The following EPS15L1 variants were observed in gnomAD, a reference collection of about 807,000 sequenced individuals.
EPS15L1 encodes epidermal growth factor receptor pathway substrate 15 like 1, also known as epidermal growth factor receptor substrate 15-like 1.
A neutral mutation model predicts 117.1 loss-of-function variants in EPS15L1; 43 were observed. The ratio of observed to expected loss-of-function variants is 0.37; its 90% CI spans 0.29 to 0.47. EPS15L1 has a LOEUF of 0.47. Among genes scored for constraint, EPS15L1 ranks in the 20% least tolerant of loss-of-function variants. The pLI is 0.99. For missense variants in EPS15L1, 981 were observed against 1,164.0 expected (o/e 0.84, Z 2.29); for synonymous variants, 459 against 470.5 (o/e 0.98, Z 0.32).
At chr19:16,382,426 A>T (rs2144727555) in intron 21 of EPS15L1, among the ~76,000 whole-genome samples, 1 of 152,264 alleles carries the variant, frequency 6.6e-6, no homozygotes, top group Non-Finnish European at 1.5e-5. Flanking sequence ...AGTGTGCTTA[A>T]AATAAAAGGA....
Position 16,402,353 on chromosome 19 carries a change from A to T in EPS15L1, c.1759T>A (p.Ser587Thr). ...CCAAAACTGCCCCTCTCTGCCAGGGAGACGCCTTCGCTCAGGTTGGCCAGG... is the reference window on the plus strand; with the variant it reads ...CCAAAACTGCCCCTCTCTGCCAGGGTGACGCCTTCGCTCAGGTTGGCCAGG... Reference protein sequence around the residue: ...TDLANLSEGVSLAERGSFGAM... With the variant: ...TDLANLSEGVTLAERGSFGAM... Residue 587 changes from serine (S) to threonine (T), a missense_variant, in exon 16 of 24, where the codon TCC becomes ACC. This residue lies in a region of EPS15L1 where 819 missense variants were observed against 949.0 expected (regional missense o/e 0.86). Coordinates refer to ENST00000455140, the MANE Select transcript of EPS15L1 (RefSeq NM_001258374.3). 6.2e-7 allele frequency: 1 copy of T among 1,613,498 alleles called. No homozygotes were observed. Among genetic ancestry groups the T allele is most frequent in the Middle Eastern group, 1.7e-4 (1 of 6,050 alleles).
chr19:16,468,767 T>G (rs977302830), intron 1 of EPS15L1, among the ~76,000 whole-genome samples: 2 of 152,170 alleles, frequency 1.3e-5, no homozygotes, highest in African/African-American at 2.4e-5. Context: ...ATTCCAATAC[T>G]TTAGGAGGCT....
At chr19:16,366,114 A>G (rs555290530) in intron 22 of EPS15L1, among the ~76,000 whole-genome samples, 3 of 152,302 alleles carry the variant, frequency 2.0e-5, no homozygotes, top group South Asian at 4.1e-4. Flanking sequence ...GAAACAGTTA[A>G]GTGTTTCCAG....
rs1568440803 is a variant in EPS15L1 at position 16,425,255 on chromosome 19, G to A, written c.620C>T (p.Ser207Phe). 5.0e-6 allele frequency: 7 copies of A among 1,398,542 alleles called. No homozygotes were observed. In the South Asian group the frequency reaches 8.1e-5, roughly 16 times the overall value. 86.6% of individuals were successfully genotyped at this position (1,398,542 alleles called of 1,614,324 possible). Residue 207 changes from serine to phenylalanine, a missense_variant, in exon 9 of 24, where the codon TCC (serine) becomes TTC (phenylalanine). Around this residue, in one of 5 missense-constraint regions of EPS15L1, gnomAD observed 819 missense variants for 949.0 expected, o/e 0.86. Coordinates refer to ENST00000455140, the MANE Select transcript of EPS15L1 (RefSeq NM_001258374.3). ...CTTTCTCTTGGAGGGTGGGATGAGG[G>A]ACGGGGGCAGGGCGGAGGGCACGGG... is the stretch of plus-strand genomic sequence containing the variant. ...KEPVPSALPP[S>F]LIPPSKRKKT...
At chr19:16,468,045 T>C (rs912714298) in intron 1 of EPS15L1, among the ~76,000 whole-genome samples, 18 of 152,044 alleles carry the variant, frequency 1.2e-4, no homozygotes, top group African/African-American at 4.3e-4. Flanking sequence ...GGGCAGTCTC[T>C]CCTCATCACT....
chr19:16,361,444 T>A (rs1358506834), intron 23 of EPS15L1: 4 of 396,862 alleles, frequency 1.0e-5, no homozygotes, highest in South Asian at 8.2e-5. Flanking sequence ...GTGTTTGACA[T>A]CTTGGCTTCC....
At chr19:16,424,807 C>T (rs1391777762) in intron 9 of EPS15L1, among the ~76,000 whole-genome samples, 1 of 151,874 alleles carries the variant, frequency 6.6e-6, no homozygotes, top group Non-Finnish European at 1.5e-5. Flanking sequence ...ATTACAGGTG[C>T]GCACCACCAC....
In EPS15L1 at chr19:16,450,364, G is replaced by A. The variant is rs188608255; in HGVS notation, c.34-8145C>T. The stretch of plus-strand genomic sequence containing the variant: ...CTCAGGGGTGGTTCTATTGCTTCTC[G>A]GTTCCTCTCCAGGGCAGGGAACGCA... On this transcript the variant is annotated intron_variant, in intron 1 of 23. Transcript: ENST00000455140. 4.4e-4 allele frequency among the ~76,000 whole-genome samples: 67 copies of A among 151,354 alleles called. 1 individual carries two copies. The highest frequency in any genetic ancestry group is 1.6e-3 in the African/African-American group (64 of 40,788).
At chr19:16,409,812 C>G (rs1255719829) in intron 13 of EPS15L1, among the ~76,000 whole-genome samples, 3 of 151,940 alleles carry the variant, frequency 2.0e-5, no homozygotes, top group Non-Finnish European at 4.4e-5. Flanking sequence ...GTGGTGCACA[C>G]CTATAATCCC....
intron 23 of EPS15L1, among the ~76,000 whole-genome samples, chr19:16,359,684 G>C (rs541226375): frequency 1.3e-5 from 2 of 152,122 alleles, no homozygotes; most frequent in Non-Finnish European, 2.9e-5. Context: ...AGTAAAGTGA[G>C]ACCTTGTCTC....
chr19:16,408,608 C>T (rs1056143782), intron 13 of EPS15L1, among the ~76,000 whole-genome samples: 5 of 150,826 alleles, frequency 3.3e-5, no homozygotes, highest in African/African-American at 4.9e-5. Context: ...TGCAGTGAGC[C>T]GAGATTGCGC....
At chr19:16,401,795 CAGGAG>C (rs2092603973) in intron 16 of EPS15L1, 1 of 985,790 alleles carries the variant, frequency 1.0e-6, no homozygotes, top group South Asian at 4.7e-5. Flanking sequence ...ACCAAAATTT[CAGGAG>C]AGGCCAATTC....
intron 1 of EPS15L1, among the ~76,000 whole-genome samples, chr19:16,462,459 G>C (rs746582026): frequency 6.6e-6 from 1 of 152,146 alleles, no homozygotes; most frequent in East Asian, 1.9e-4. Context: ...CCAGGAGTTC[G>C]AGACCAGCCT....
At chr19:16,415,037 G>A (rs1322320964) in intron 12 of EPS15L1, among the ~76,000 whole-genome samples, 1 of 152,066 alleles carries the variant, frequency 6.6e-6, no homozygotes, top group Non-Finnish European at 1.5e-5. Flanking sequence ...GATAGAATTC[G>A]TGCATGTATT....
chr19:16,434,119 C>T (rs1412815390), intron 7 of EPS15L1, among the ~76,000 whole-genome samples: 1 of 152,204 alleles, frequency 6.6e-6, no homozygotes, highest in Non-Finnish European at 1.5e-5. Flanking sequence ...CTGAGTCCAC[C>T]TCCTCATCTG....
chr19:16,438,986 G>A (rs1030732231), intron 4 of EPS15L1, among the ~76,000 whole-genome samples: 20 of 152,058 alleles, frequency 1.3e-4, no homozygotes, highest in Middle Eastern at 3.4e-3. Flanking sequence ...AGTTGAACTA[G>A]GCTGTCAGGT....
intron 1 of EPS15L1, among the ~76,000 whole-genome samples, chr19:16,445,543 C>T (rs540639175): frequency 6.6e-6 from 1 of 152,228 alleles, no homozygotes; most frequent in Non-Finnish European, 1.5e-5. Flanking sequence ...AATGGACTCA[C>T]ACCTGCACGC....
intron 1 of EPS15L1, among the ~76,000 whole-genome samples, chr19:16,442,985 C>CGTCTCCCAGGGAAGGGGAGG (rs1157540090): frequency 1.3e-5 from 2 of 152,198 alleles, no homozygotes. Context: ...CTCTGCCAGA[C>CGTCTCCCAGGGAAGGGGAGG]GTCTCCCAGG....
chr19:16,386,543 G>GT (rs994073049), intron 19 of EPS15L1, among the ~76,000 whole-genome samples: 3 of 152,240 alleles, frequency 2.0e-5, no homozygotes, highest in Non-Finnish European at 4.4e-5. Context: ...AACATAGCAG[G>GT]AGGTTGAGTT....
Sources: allele counts gnomAD v4.1 joint callset (sites outside exome capture counted in the v4.1 genomes callset), GRCh38; gene constraint gnomAD v4.1.1; regional missense constraint gnomAD v4.1.1; transcripts MANE v1.5; gene names NCBI Gene and HGNC (gene_info 2026-07-23, HGNC 2026-07-21).